The following SNX13 variants were observed in gnomAD, a reference collection of about 807,000 sequenced individuals.
SNX13 encodes the protein sorting nexin 13, also known as sorting nexin-13.
Under a neutral mutation model 133.6 loss-of-function variants are expected in SNX13, and 45 were observed. The observed-to-expected ratio is 0.34, with a 90% CI of 0.27 to 0.43. The LOEUF (loss-of-function observed/expected upper bound fraction) is 0.43, where lower values mean the gene tolerates loss of function less well. SNX13 is among the 20% of genes least tolerant of loss of function. The pLI is 1.00. For synonymous variants in SNX13, 414 were observed against 373.9 expected (o/e 1.11, Z -1.24); for missense variants, 1,032 against 1,145.1 (o/e 0.90, Z 1.43).
At chr7:17,803,075 C>G (rs555564141) in intron 21 of SNX13, among the ~76,000 whole-genome samples, 3 of 151,880 alleles carry the variant, frequency 2.0e-5, no homozygotes, top group African/African-American at 7.3e-5. Context: ...CTCATCTGCA[C>G]GACAGAATTT....
rs150803808 is a variant in SNX13 at position 17,854,541 on chromosome 7, T to C, written c.838-3577A>G. 4.8e-3 allele frequency among the ~76,000 whole-genome samples: 731 copies of C among 152,330 alleles called. 1 individual carries two copies. Among genetic ancestry groups the C allele is most frequent in the Middle Eastern group, 0.01 (3 of 294 alleles). The stretch of plus-strand genomic sequence containing the variant: ...TACCAGCATATTTTTTCCAACAACA[T>C]GTGCCCATGTCATGTGCATAGTCAC... On this transcript the variant is annotated intron_variant, in intron 9 of 25. Coordinates refer to ENST00000428135, the MANE Select transcript of SNX13 (RefSeq NM_015132.5).
At chr7:17,924,876 C>T (rs1241576518) in intron 1 of SNX13, among the ~76,000 whole-genome samples, 1 of 152,076 alleles carries the variant, frequency 6.6e-6, no homozygotes, top group Admixed American at 6.6e-5. Flanking sequence ...CACAAAGGCC[C>T]ACATATTGTA....
chr7:17,870,682 T>C (rs1361736001), intron 8 of SNX13, among the ~76,000 whole-genome samples: 1 of 152,170 alleles, frequency 6.6e-6, no homozygotes, highest in Non-Finnish European at 1.5e-5. Flanking sequence ...TTAAAACTGA[T>C]TGTCTGAGCA....
intron 11 of SNX13, among the ~76,000 whole-genome samples, chr7:17,849,796 G>T (rs117299646): frequency 6.6e-6 from 1 of 152,270 alleles, no homozygotes; most frequent in Non-Finnish European, 1.5e-5. Context: ...TACATCACAG[G>T]ACTAACTGCC....
At chr7:17,815,880 TA>T (rs58627808) in intron 19 of SNX13, among the ~76,000 whole-genome samples, 163 of 151,124 alleles carry the variant, frequency 1.1e-3, no homozygotes, top group African/African-American at 3.6e-3. Context: ...TTTAGCACTT[TA>T]AAAAAAAAAT....
In SNX13 at chr7:17,850,366, T is replaced by C. The variant is rs1463942255; in HGVS notation, c.1046A>G (p.Gln349Arg). The change falls in exon 11 of 26, where the codon CAG (glutamine) becomes CGG (arginine). Residue 349 changes from glutamine to arginine, a missense_variant. Transcript: ENST00000428135. Reference sequence around the variant, plus strand: ...ACTTACTTTGCCTGACTGCAATCGCTGTATTCTTGAGTCACATACCTTCTT... The same window carrying C: ...ACTTACTTTGCCTGACTGCAATCGCCGTATTCTTGAGTCACATACCTTCTT... ...FVKKVCDSRI[Q>R]RLQSGKEINT... is the part of the protein sequence containing the mutation. The C allele has an allele frequency of 1.9e-6, 3 of 1,597,082 alleles. No homozygotes were observed. Among genetic ancestry groups the C allele is most frequent in the Non-Finnish European group, 8.5e-7 (1 of 1,172,234 alleles).
At chr7:17,920,191 G>T (rs1799978230) in intron 1 of SNX13, among the ~76,000 whole-genome samples, 2 of 152,192 alleles carry the variant, frequency 1.3e-5, no homozygotes, top group South Asian at 4.2e-4. Flanking sequence ...CTTTAATCAT[G>T]ATATCTATTT....
chr7:17,868,922 C>T (rs542549312), intron 8 of SNX13, among the ~76,000 whole-genome samples: 1 of 152,162 alleles, frequency 6.6e-6, no homozygotes, highest in African/African-American at 2.4e-5. Flanking sequence ...ATTATCAACA[C>T]TGGTTACATC....
At chr7:17,852,327 C>T (rs1305775937) in intron 9 of SNX13, among the ~76,000 whole-genome samples, 1 of 151,810 alleles carries the variant, frequency 6.6e-6, no homozygotes, top group African/African-American at 2.4e-5. Flanking sequence ...GAGCTGAGAT[C>T]GTGCCACTGT....
chr7:17,899,743 C>T (rs1000455373), intron 1 of SNX13: 1 of 152,048 alleles, frequency 6.6e-6, no homozygotes. Context: ...TTCCTCAAAA[C>T]AACTATTCTG....
At chr7:17,797,404 C>T (rs1014973768) in intron 24 of SNX13, among the ~76,000 whole-genome samples, 1 of 151,860 alleles carries the variant, frequency 6.6e-6, no homozygotes, top group Non-Finnish European at 1.5e-5. Flanking sequence ...CCACAACTTA[C>T]AGATGGATTG....
At chr7:17,826,175 A>G in intron 16 of SNX13, 84 bp from the exon 17 acceptor site, 1 of 751,034 alleles carries the variant, frequency 1.3e-6, no homozygotes, top group Admixed American at 2.7e-5. Context: ...TATATGCATT[A>G]CAATTACTCA....
At chr7:17,871,357 T>G (rs1794101422) in intron 8 of SNX13, among the ~76,000 whole-genome samples, 1 of 152,050 alleles carries the variant, frequency 6.6e-6, no homozygotes, top group South Asian at 2.1e-4. Context: ...GGGAGGAAAA[T>G]GGCACTTTTG....
intron 1 of SNX13, among the ~76,000 whole-genome samples, chr7:17,932,891 T>C (rs1415846567): frequency 1.3e-5 from 2 of 152,246 alleles, no homozygotes; most frequent in Non-Finnish European, 2.9e-5. Flanking sequence ...ACAAAAGACC[T>C]CAAGGCTCCC....
At chr7:17,857,492 A>C (rs557745458) in intron 9 of SNX13, among the ~76,000 whole-genome samples, 7 of 152,236 alleles carry the variant, frequency 4.6e-5, no homozygotes, top group African/African-American at 1.4e-4. Flanking sequence ...TCAACAAAAT[A>C]CTAGTAAACT....
chr7:17,822,911 T>C (rs369696490), intron 17 of SNX13, among the ~76,000 whole-genome samples: 2 of 152,308 alleles, frequency 1.3e-5, no homozygotes, highest in East Asian at 3.9e-4. Context: ...GGGCTTTCAA[T>C]TTTTTGTGGG....
intron 9 of SNX13, among the ~76,000 whole-genome samples, chr7:17,854,620 ATGG>A (rs1791664593): frequency 6.6e-6 from 1 of 152,180 alleles, no homozygotes; most frequent in African/African-American, 2.4e-5. Context: ...TATATCTACT[ATGG>A]TGATCAGTGA....
rs74645644 is a variant in SNX13 at position 17,852,456 on chromosome 7, G to A, written c.838-1492C>T. ...ACTGTGTCAAGCATTTCATATAGAT[G>A]TAAAACAAAAATAAGGAATCTAAGA... On this transcript the variant is annotated intron_variant, in intron 9 of 25. Coordinates refer to ENST00000428135, the MANE Select transcript of SNX13 (RefSeq NM_015132.5). Among the ~76,000 whole-genome samples the A allele has an allele frequency of 3.2e-3, 488 of 152,210 alleles. 2 individuals are homozygous for A. The highest frequency in any genetic ancestry group is 0.011 in the African/African-American group (458 of 41,538).
chr7:17,885,338 A>T (rs1795864496), intron 5 of SNX13, among the ~76,000 whole-genome samples: 2 of 151,984 alleles, frequency 1.3e-5, no homozygotes, highest in African/African-American at 4.8e-5. Flanking sequence ...TAGAGCTAGA[A>T]GCTTGGGGAA....
Sources: gnomAD v4.1 joint callset for allele counts (sites outside exome capture counted in the v4.1 genomes callset) on GRCh38, gnomAD v4.1.1 for gene constraint, MANE v1.5 for transcripts, NCBI Gene and HGNC (gene_info 2026-07-23, HGNC 2026-07-21) for gene names.